The following ANKRD12 variants were observed in gnomAD, a reference collection of about 807,000 sequenced individuals.
The protein encoded by ANKRD12 is ankyrin repeat domain 12, also known as ankyrin repeat domain-containing protein 12.
Under a neutral mutation model 183.4 loss-of-function variants are expected in ANKRD12, and 85 were observed. The ratio of observed to expected loss-of-function variants is 0.46; its 90% CI spans 0.39 to 0.56. ANKRD12 has a LOEUF of 0.56. Among genes scored for constraint, ANKRD12 ranks in the 20% least tolerant of loss-of-function variants. The probability of loss-of-function intolerance (pLI) is 0.00; values close to 1 mark genes in which losing one functional copy is unlikely to be tolerated. For missense variants in ANKRD12, 2,405 were observed against 2,357.1 expected, an observed-to-expected ratio of 1.02 and a Z score of -0.42; for synonymous variants, 914 against 800.2, an observed-to-expected ratio of 1.14 and a Z score of -2.40.
chr18:9,263,754 C>G (rs778636465), intron 9 of ANKRD12, 36 bp from the exon 10 acceptor site: 1 of 1,402,696 alleles, frequency 7.1e-7, no homozygotes. Context: ...GTAAATAAAA[C>G]CTAATATTTT....
intron 1 of ANKRD12, among the ~76,000 whole-genome samples, chr18:9,149,389 T>A (rs1437073683): frequency 6.6e-6 from 1 of 152,240 alleles, no homozygotes; most frequent in African/African-American, 2.4e-5. Context: ...TTAAGGAGAA[T>A]TAGTTCATTT....
Position 9,204,560 on chromosome 18 carries a change from G to A in ANKRD12, c.304+16G>A, listed in dbSNP as rs2035372054. ...ACATACTCAGGTAATTAGATTATCA[G>A]GTGTTCCTGTTTAGCCAGTGGTTTC... On this transcript the variant is annotated intron_variant, in intron 4 of 12. Transcript: ENST00000262126. 2.6e-6 allele frequency: 4 copies of A among 1,542,324 alleles called. No homozygotes were observed. The African/African-American group carries it at 5.6e-5, about 22-fold the overall frequency.
chr18:9,237,138 G>A (rs902648679), intron 8 of ANKRD12, among the ~76,000 whole-genome samples: 10 of 152,160 alleles, frequency 6.6e-5, no homozygotes, highest in African/African-American at 2.4e-4. Context: ...GGGTTAAAAA[G>A]GGAGGTTATG....
At chr18:9,159,051 T>C (rs1220465417) in intron 1 of ANKRD12, among the ~76,000 whole-genome samples, 2 of 152,200 alleles carry the variant, frequency 1.3e-5, no homozygotes, top group Non-Finnish European at 2.9e-5. Context: ...GTACTTCCTT[T>C]CTGGGAGTGC....
At chr18:9,204,683 C>G in intron 4 of ANKRD12, 139 bp downstream of exon 4, 1 of 622,010 alleles carries the variant, frequency 1.6e-6, no homozygotes, top group East Asian at 3.2e-5. Flanking sequence ...TGGGTGACAC[C>G]ACATTTTCCC....
intron 10 of ANKRD12, among the ~76,000 whole-genome samples, chr18:9,272,224 A>T (rs2039638631): frequency 6.6e-6 from 1 of 152,212 alleles, no homozygotes. Flanking sequence ...TTATCATAAA[A>T]TAACATCTCA....
intron 8 of ANKRD12, among the ~76,000 whole-genome samples, chr18:9,230,591 C>A (rs1329799657): frequency 6.7e-6 from 1 of 150,080 alleles, no homozygotes; most frequent in East Asian, 1.9e-4. Context: ...TTGCTATAAA[C>A]CTCTTTTTTA....
chr18:9,264,461 A>G (rs926980105), intron 10 of ANKRD12, among the ~76,000 whole-genome samples: 1 of 152,218 alleles, frequency 6.6e-6, no homozygotes, highest in Non-Finnish European at 1.5e-5. Flanking sequence ...TCACAGAAAT[A>G]TATACATACT....
intron 2 of ANKRD12, among the ~76,000 whole-genome samples, chr18:9,183,559 G>T (rs1270330665): frequency 6.6e-6 from 1 of 152,060 alleles, no homozygotes; most frequent in Non-Finnish European, 1.5e-5. Flanking sequence ...ATTGATTTTT[G>T]ATGTAGTTAT....
intron 8 of ANKRD12, among the ~76,000 whole-genome samples, chr18:9,224,171 A>T (rs577983754): frequency 4.6e-5 from 7 of 152,372 alleles, no homozygotes; most frequent in African/African-American, 1.7e-4. Flanking sequence ...GATGAGTAAG[A>T]AAATGGATAG....
chr18:9,238,850 A>C (rs531443313), intron 8 of ANKRD12, among the ~76,000 whole-genome samples: 1 of 152,318 alleles, frequency 6.6e-6, no homozygotes, highest in South Asian at 2.1e-4. Flanking sequence ...GGCTGGGTGC[A>C]GTGGCTCACG....
chr18:9,150,576 AC>A (rs1272133256), intron 1 of ANKRD12, among the ~76,000 whole-genome samples: 17 of 152,110 alleles, frequency 1.1e-4, no homozygotes, highest in Admixed American at 2.6e-4. Flanking sequence ...AGATGCCTGT[AC>A]TTTTTTCTTC....
intron 5 of ANKRD12, among the ~76,000 whole-genome samples, chr18:9,209,278 C>A (rs1303044041): frequency 6.6e-6 from 1 of 152,136 alleles, no homozygotes; most frequent in African/African-American, 2.4e-5. Flanking sequence ...AGATAAAATC[C>A]AGGCAACTGG....
rs529340848 is a variant in ANKRD12, at chr18:9,255,954, A to C, written c.2687A>C (p.Lys896Thr). ...EKSKNTAAIK[K>T]TDDREKSREK... ...AGCAAAAATACTGCTGCTATTAAAA[A>C]AACTGACGACAGAGAGAAAAGTAGA... Residue 896 changes from lysine to threonine, a missense_variant, in exon 9 of 13, where the codon AAA (lysine) becomes ACA (threonine). Lys to Thr is a moderately conservative substitution (Grantham distance 78). Coordinates refer to ENST00000262126, the MANE Select transcript of ANKRD12 (RefSeq NM_015208.5). 1.9e-6 allele frequency: 3 copies of C among 1,581,354 alleles called. No individual in the cohort carries two copies. In the South Asian group the frequency reaches 3.6e-5, roughly 19 times the overall value.
At chr18:9,251,781 A>G (rs988902729) in intron 8 of ANKRD12, among the ~76,000 whole-genome samples, 1 of 152,200 alleles carries the variant, frequency 6.6e-6, no homozygotes, top group Non-Finnish European at 1.5e-5. Context: ...CGACGGAGCG[A>G]GACTCCATCT....
At chr18:9,189,454 A>G (rs1004589414) in intron 2 of ANKRD12, among the ~76,000 whole-genome samples, 1 of 152,254 alleles carries the variant, frequency 6.6e-6, no homozygotes, top group Admixed American at 6.5e-5. Context: ...ACACTAAACT[A>G]CAGATTTCAG....
At chr18:9,183,850 C>G (rs920001629) in intron 2 of ANKRD12, among the ~76,000 whole-genome samples, 22 of 151,950 alleles carry the variant, frequency 1.4e-4, no homozygotes, top group African/African-American at 5.3e-4. Context: ...CAGTTTTGCT[C>G]TTTATTGTAT....
intron 10 of ANKRD12, among the ~76,000 whole-genome samples, chr18:9,269,266 CTACTT>C (rs1230017801): frequency 2.6e-5 from 4 of 152,190 alleles, no homozygotes; most frequent in Non-Finnish European, 4.4e-5. Context: ...TTGGAAAAAA[CTACTT>C]TAAAGTTCAT....
rs956351949 is a variant in ANKRD12, at chr18:9,145,917, C to T, written c.-52+8952C>T. ...TGTTTATGGGCAACTTAAAATCTAGCAAGAAGAGGTAATTACCTAAAACCA... is the reference window on the plus strand; with the variant it reads ...TGTTTATGGGCAACTTAAAATCTAGTAAGAAGAGGTAATTACCTAAAACCA... On this transcript the variant is annotated intron_variant, in intron 1 of 12. Coordinates refer to ENST00000262126, the MANE Select transcript of ANKRD12 (RefSeq NM_015208.5). Among the ~76,000 whole-genome samples, 7 of 152,114 alleles carry T rather than the reference C, an allele frequency of 4.6e-5. No individual in the cohort carries two copies. In the East Asian group the frequency reaches 1.2e-3, roughly 25 times the overall value.
Sources: gnomAD v4.1 joint callset for allele counts (sites outside exome capture counted in the v4.1 genomes callset) on GRCh38, gnomAD v4.1.1 for gene constraint, MANE v1.5 for transcripts, NCBI Gene and HGNC (gene_info 2026-07-23, HGNC 2026-07-21) for gene names.